Variants in DLGAP1 observed in about 807,000 individuals in gnomAD.
The protein encoded by DLGAP1 is DLG associated protein 1, also known as disks large-associated protein 1.
In DLGAP1, 11 loss-of-function variants were observed where a neutral mutation model predicts 90.8. The ratio of observed to expected loss-of-function variants is 0.12; its 90% CI spans 0.08 to 0.20. The LOEUF (loss-of-function observed/expected upper bound fraction) is 0.20, where lower values mean the gene tolerates loss of function less well. Ranked by LOEUF, DLGAP1 falls within the 10% of genes least tolerant of loss-of-function variation. DLGAP1 has a pLI of 1.00. For missense variants in DLGAP1, 1,050 were observed against 1,333.8 expected, an observed-to-expected ratio of 0.79 and a Z score of 3.31; for synonymous variants, 558 against 540.7, an observed-to-expected ratio of 1.03 and a Z score of -0.44.
chr18:4,291,187 C>T (rs962576583), intron 1 of DLGAP1, among the ~76,000 whole-genome samples: 3 of 152,050 alleles, frequency 2.0e-5, no homozygotes, highest in African/African-American at 7.2e-5. Context: ...TGGCGCAGTT[C>T]AGGCAGATAA....
At chr18:3,932,834 A>G (rs2072548834) in intron 3 of DLGAP1, among the ~76,000 whole-genome samples, 1 of 152,202 alleles carries the variant, frequency 6.6e-6, no homozygotes, top group African/African-American at 2.4e-5. Flanking sequence ...TCAAGAAAGA[A>G]AAAGAATCAG....
At chr18:4,046,096 T>G (rs2075050537) in intron 2 of DLGAP1, among the ~76,000 whole-genome samples, 1 of 152,238 alleles carries the variant, frequency 6.6e-6, no homozygotes, top group East Asian at 1.9e-4. Flanking sequence ...TGTCCCCATC[T>G]GGCATTAACC....
intron 3 of DLGAP1, among the ~76,000 whole-genome samples, chr18:3,958,931 C>CT (rs2073137882): frequency 6.6e-6 from 1 of 152,218 alleles, no homozygotes; most frequent in Non-Finnish European, 1.5e-5. Context: ...TTCTAGTTAT[C>CT]TTATTCTTAG....
chr18:3,664,219 CA>C (rs1264993190), intron 7 of DLGAP1, among the ~76,000 whole-genome samples: 4 of 79,566 alleles, frequency 5.0e-5, no homozygotes, highest in Admixed American at 2.0e-4. Flanking sequence ...CACACACACC[CA>C]CACACACACA....
intron 2 of DLGAP1, among the ~76,000 whole-genome samples, chr18:4,035,093 C>T (rs1035888141): frequency 2.6e-5 from 4 of 152,180 alleles, no homozygotes; most frequent in Non-Finnish European, 4.4e-5. Context: ...GACATTTGGG[C>T]TGGTTCCAAG....
At chr18:3,634,251 T>C (rs1009887820) in intron 7 of DLGAP1, among the ~76,000 whole-genome samples, 3 of 152,126 alleles carry the variant, frequency 2.0e-5, no homozygotes, top group African/African-American at 7.2e-5. Context: ...TTTTTTTGCA[T>C]ATATTAAAGA....
intron 8 of DLGAP1, among the ~76,000 whole-genome samples, chr18:3,568,864 T>C (rs886753740): frequency 6.6e-6 from 1 of 152,006 alleles, no homozygotes; most frequent in Admixed American, 6.6e-5. Flanking sequence ...TTTTTTATAT[T>C]TTTAGTAGAG....
chr18:3,735,625 A>G (rs1166139519), intron 6 of DLGAP1, among the ~76,000 whole-genome samples: 3 of 152,204 alleles, frequency 2.0e-5, no homozygotes, highest in Admixed American at 6.5e-5. Context: ...GGAAACAAAT[A>G]TGTTAGTCCA....
At chr18:4,184,533 T>G (rs1387487880) in intron 1 of DLGAP1, among the ~76,000 whole-genome samples, 2 of 152,064 alleles carry the variant, frequency 1.3e-5, no homozygotes, top group Non-Finnish European at 2.9e-5. Flanking sequence ...AATAAATCGG[T>G]ATCGTACATA....
intron 1 of DLGAP1, among the ~76,000 whole-genome samples, chr18:4,337,390 G>A (rs1446043558): frequency 2.0e-5 from 3 of 151,730 alleles, no homozygotes; most frequent in African/African-American, 7.3e-5. Flanking sequence ...CGACGGGGTC[G>A]CCATGCTGCT....
chr18:3,711,876 C>T lies in DLGAP1; in HGVS notation c.1591+17259G>A, dbSNP rs190705715. ...AAAGAAAAAAATAAAAAAAGGAAGA[C>T]AGAAATGCATCGGAGTATGAGGTTG... On this transcript the variant is annotated intron_variant, in intron 7 of 12. Coordinates refer to ENST00000315677, the MANE Select transcript of DLGAP1 (RefSeq NM_004746.4). This position sits in a 1 kb window ranked among gnomAD's most constrained non-coding sequence, Gnocchi z 4.0. Among the ~76,000 whole-genome samples, 24 of 152,016 alleles carry T rather than the reference C, an allele frequency of 1.6e-4. No homozygotes were observed. Among genetic ancestry groups the T allele is most frequent in the African/African-American group, 5.3e-4 (22 of 41,480 alleles).
chr18:3,894,497 C>T (rs2071563623), intron 3 of DLGAP1, among the ~76,000 whole-genome samples: 1 of 152,118 alleles, frequency 6.6e-6, no homozygotes. Context: ...TTTTTGTTTA[C>T]TTTGTCAAAG....
At chr18:3,520,896 T>C (rs1384125397) in intron 10 of DLGAP1, among the ~76,000 whole-genome samples, 1 of 152,218 alleles carries the variant, frequency 6.6e-6, no homozygotes, top group Non-Finnish European at 1.5e-5. Context: ...TTCTGGACTC[T>C]GCCTTTGGCA....
chr18:3,688,570 C>CT (rs1274163466), intron 7 of DLGAP1, among the ~76,000 whole-genome samples: 3 of 149,192 alleles, frequency 2.0e-5, no homozygotes, highest in Non-Finnish European at 4.4e-5. Context: ...ATAATATTTG[C>CT]TTTTTTCCCA....
At chr18:4,294,159 C>T (rs1385515100) in intron 1 of DLGAP1, 1 of 152,208 alleles carries the variant, frequency 6.6e-6, no homozygotes, top group Non-Finnish European at 1.5e-5. Flanking sequence ...ACTTTCACCA[C>T]CATATTGCCT....
At chr18:4,255,089 G>T (rs972536129) in intron 1 of DLGAP1, among the ~76,000 whole-genome samples, 2 of 152,148 alleles carry the variant, frequency 1.3e-5, no homozygotes, top group Non-Finnish European at 2.9e-5. Context: ...AGGAAATAAG[G>T]CAGGAATTAG....
At chr18:3,880,650 T>C (rs1405035931) in intron 3 of DLGAP1, among the ~76,000 whole-genome samples, 1 of 151,520 alleles carries the variant, frequency 6.6e-6, no homozygotes, top group Non-Finnish European at 1.5e-5. Context: ...GCTAGAAAAC[T>C]AGAAAAAGGA....
chr18:4,016,580 C>G (rs1051556363), intron 2 of DLGAP1, among the ~76,000 whole-genome samples: 1 of 152,188 alleles, frequency 6.6e-6, no homozygotes, highest in Admixed American at 6.5e-5. Context: ...TACTTTTCTT[C>G]TGAATTTCTT....
intron 1 of DLGAP1, among the ~76,000 whole-genome samples, chr18:4,227,478 A>G (rs2078215653): frequency 6.6e-6 from 1 of 152,078 alleles, no homozygotes; most frequent in African/African-American, 2.4e-5. Flanking sequence ...AGACATTAAA[A>G]AAATTGAAAT....
Sources: gnomAD v4.1 joint callset for allele counts (sites outside exome capture counted in the v4.1 genomes callset) on GRCh38, gnomAD v4.1.1 for gene constraint, Gnocchi (gnomAD v3.1) non-coding constraint, MANE v1.5 for transcripts, NCBI Gene and HGNC (gene_info 2026-07-23, HGNC 2026-07-21) for gene names.